Variants in FUT8 observed in about 807,000 individuals in gnomAD.
The protein encoded by FUT8 is fucosyltransferase 8, also known as alpha-(1,6)-fucosyltransferase.
A neutral mutation model predicts 71.3 loss-of-function variants in FUT8; 29 were observed. The observed-to-expected ratio is 0.41, with a 90% CI of 0.30 to 0.55. FUT8 has a LOEUF of 0.55. Ranked by LOEUF, FUT8 falls within the 20% of genes least tolerant of loss-of-function variation. FUT8 has a pLI of 0.34. For missense variants in FUT8, 544 were observed against 702.1 expected (o/e 0.77, Z 2.55); for synonymous variants, 254 against 239.3 (o/e 1.06, Z -0.57).
chr14:65,407,899 ACTTGCTCATATCTGGC>A (rs2065093730), upstream of FUT8, among the ~76,000 whole-genome samples: 2 of 152,142 alleles, frequency 1.3e-5, no homozygotes, highest in Non-Finnish European at 2.9e-5. Context: ...TTACAGGTTG[ACTTGCTCATATCTGGC>A]AGGAAAGAGA....
chr14:65,421,743 C>CT (rs1304469643), intron 1 of FUT8, among the ~76,000 whole-genome samples: 1 of 59,652 alleles, frequency 1.7e-5, no homozygotes, highest in African/African-American at 5.0e-5. Context: ...TAACCCACCC[C>CT]CCCCTTTTTT....
At chr14:65,540,335 CAAA>C (rs1444684818) in intron 2 of FUT8, among the ~76,000 whole-genome samples, 1 of 151,890 alleles carries the variant, frequency 6.6e-6, no homozygotes, top group South Asian at 2.1e-4. Flanking sequence ...TAAATTCTGG[CAAA>C]AAAGAGATGA....
At chr14:65,709,968 G>T (rs1323885748) in intron 7 of FUT8, among the ~76,000 whole-genome samples, 1 of 152,158 alleles carries the variant, frequency 6.6e-6, no homozygotes, top group Admixed American at 6.5e-5. Context: ...ATCGACATTG[G>T]TTATCAAGCT....
chr14:65,372,653 G>A, the FUT8 span, among the ~76,000 whole-genome samples: 9 of 152,158 alleles, frequency 5.9e-5, no homozygotes, highest in African/African-American at 2.2e-4. Context: ...CTGAGCTGGG[G>A]CAATCCGCCC....
chr14:65,655,340 G>A (rs1891620459), intron 6 of FUT8, among the ~76,000 whole-genome samples: 2 of 151,752 alleles, frequency 1.3e-5, no homozygotes, highest in African/African-American at 4.8e-5. Context: ...AGCTGGCATG[G>A]TGGTGGGCAC....
intron 2 of FUT8, among the ~76,000 whole-genome samples, chr14:65,536,974 T>C (rs1277309429): frequency 6.7e-6 from 1 of 149,482 alleles, no homozygotes; most frequent in African/African-American, 2.5e-5. Context: ...TTCTTCTTTT[T>C]TTTTTTTTTT....
At chr14:65,484,371 A>G (rs1297042993) in intron 2 of FUT8, among the ~76,000 whole-genome samples, 1 of 152,094 alleles carries the variant, frequency 6.6e-6, no homozygotes, top group Non-Finnish European at 1.5e-5. Context: ...GATGTTGTAG[A>G]TTTTTCAGGA....
chr14:65,428,095 G>A (rs973317520), intron 1 of FUT8, among the ~76,000 whole-genome samples: 12 of 151,998 alleles, frequency 7.9e-5, no homozygotes, highest in African/African-American at 2.4e-5. Flanking sequence ...GTCCCCTCTC[G>A]GCCTCTGCTT....
chr14:65,558,591 G>A (rs1885728578), intron 2 of FUT8, among the ~76,000 whole-genome samples: 1 of 152,148 alleles, frequency 6.6e-6, no homozygotes, highest in Non-Finnish European at 1.5e-5. Flanking sequence ...GGATACATCA[G>A]TGAACACAAT....
intron 7 of FUT8, among the ~76,000 whole-genome samples, chr14:65,720,144 A>C (rs991481345): frequency 5.3e-5 from 8 of 149,910 alleles, no homozygotes; most frequent in African/African-American, 2.0e-4. Flanking sequence ...CTGGTCCTCT[A>C]TTCTCCTGCA....
At chr14:65,688,541 A>G (rs958687877) in intron 7 of FUT8, among the ~76,000 whole-genome samples, 5 of 151,156 alleles carry the variant, frequency 3.3e-5, no homozygotes, top group Admixed American at 2.6e-4. Flanking sequence ...AAAAAAAAAA[A>G]AAAAGGCAGG....
intron 2 of FUT8, among the ~76,000 whole-genome samples, chr14:65,549,794 A>C (rs539744365): frequency 2.6e-4 from 40 of 152,332 alleles, no homozygotes; most frequent in South Asian, 1.5e-3. Context: ...TCCTATCAAC[A>C]GTGGCTACCT....
At chr14:65,488,294 T>C (rs1286000916) in intron 2 of FUT8, 2 of 152,240 alleles carry the variant, frequency 1.3e-5, no homozygotes, top group Non-Finnish European at 2.9e-5. Context: ...AATTGCCTTT[T>C]TTCATTTCGC....
At position 65,667,447 on chromosome 14, in the gene FUT8, C is replaced by T. The variant is rs533475098; in HGVS notation, c.598-1796C>T. Among the ~76,000 whole-genome samples the T allele has an allele frequency of 3.3e-5, 5 of 152,104 alleles. No homozygotes were observed. The East Asian group carries it at 7.7e-4, about 24-fold the overall frequency. On this transcript the variant is annotated intron_variant, in intron 6 of 10. Coordinates refer to ENST00000673929, the MANE Select transcript of FUT8 (RefSeq NM_001371533.1). ...AATTGCCACAAAAAGAATAAAATAC[C>T]TAAGAATACTGCTAACTAGGGAGGT...
At chr14:65,720,876 CG>C (rs1895379894) in intron 7 of FUT8, among the ~76,000 whole-genome samples, 2 of 152,028 alleles carry the variant, frequency 1.3e-5, no homozygotes, top group South Asian at 4.2e-4. Flanking sequence ...GCTAATGGCC[CG>C]GGTGTTGCTT....
At chr14:65,516,293 T>C (rs1882702956) in intron 2 of FUT8, 1 of 152,204 alleles carries the variant, frequency 6.6e-6, no homozygotes, top group Non-Finnish European at 1.5e-5. Flanking sequence ...TTTGCATGCA[T>C]AGTCCTTAAC....
intron 3 of FUT8, among the ~76,000 whole-genome samples, chr14:65,567,312 A>G (rs888801233): frequency 6.6e-6 from 1 of 151,982 alleles, no homozygotes; most frequent in African/African-American, 2.4e-5. Flanking sequence ...GCTGTGTGTC[A>G]TCTGCCAATA....
At chr14:65,606,287 C>G (rs1272533278) in intron 3 of FUT8, among the ~76,000 whole-genome samples, 1 of 151,208 alleles carries the variant, frequency 6.6e-6, no homozygotes, top group African/African-American at 2.4e-5. Flanking sequence ...CTGTGTTAGC[C>G]AAGATGGTCT....
At chr14:65,587,733 A>G (rs574932340) in intron 3 of FUT8, among the ~76,000 whole-genome samples, 1 of 152,334 alleles carries the variant, frequency 6.6e-6, no homozygotes, top group African/African-American at 2.4e-5. Flanking sequence ...GAGTTGCACA[A>G]TTACTTTGAA....
Sources: allele counts gnomAD v4.1 joint callset (sites outside exome capture counted in the v4.1 genomes callset), GRCh38; gene constraint gnomAD v4.1.1; transcripts MANE v1.5; gene names NCBI Gene and HGNC (gene_info 2026-07-23, HGNC 2026-07-21).